Variants in ARHGAP42 observed in about 807,000 individuals in gnomAD.
ARHGAP42 encodes the protein rho GTPase-activating protein 42.
In ARHGAP42, 63 loss-of-function variants were observed where a neutral mutation model predicts 125.0. That is an observed-to-expected ratio of 0.50 (90% CI 0.41 to 0.62). The LOEUF (loss-of-function observed/expected upper bound fraction) is 0.62, where lower values mean the gene tolerates loss of function less well. Among genes scored for constraint, ARHGAP42 ranks in the 20% least tolerant of loss-of-function variants. The pLI, the probability that ARHGAP42 is intolerant of heterozygous loss-of-function variation, is 0.00. For synonymous variants in ARHGAP42, 339 were observed against 351.0 expected, an observed-to-expected ratio of 0.97 and a Z score of 0.38; for missense variants, 766 against 1,024.2, an observed-to-expected ratio of 0.75 and a Z score of 3.44.
chr11:100,747,269 T>A (rs1301547006), intron 1 of ARHGAP42, among the ~76,000 whole-genome samples: 1 of 152,220 alleles, frequency 6.6e-6, no homozygotes, highest in Non-Finnish European at 1.5e-5. Flanking sequence ...GCACCTATCT[T>A]TATTAGTTTT....
chr11:100,841,247 A>G (rs1340581636), intron 3 of ARHGAP42, among the ~76,000 whole-genome samples: 2 of 152,168 alleles, frequency 1.3e-5, no homozygotes, highest in African/African-American at 4.8e-5. Flanking sequence ...AATCATAGAT[A>G]AAAGCTGCAA....
chr11:100,717,199 G>C lies in ARHGAP42; in HGVS notation c.154+29367G>C, dbSNP rs544381604. On this transcript the variant is annotated intron_variant, in intron 1 of 23. Transcript: ENST00000298815. ...CTGCATGAACTGGCCTGAGTATTCT[G>C]TCCTGGCACTCAGGTTCTCTCACGT... Among the ~76,000 whole-genome samples the C allele has an allele frequency of 2.0e-5, 3 of 152,282 alleles. No homozygotes were observed. In the East Asian group the frequency reaches 5.8e-4, roughly 29 times the overall value.
At chr11:100,873,550 A>C (rs564260307) in intron 4 of ARHGAP42, among the ~76,000 whole-genome samples, 1 of 152,316 alleles carries the variant, frequency 6.6e-6, no homozygotes, top group East Asian at 1.9e-4. Context: ...TGAGGCATGA[A>C]ATAGCCAGCT....
At chr11:100,776,854 G>A (rs926022166) in intron 2 of ARHGAP42, among the ~76,000 whole-genome samples, 3 of 151,738 alleles carry the variant, frequency 2.0e-5, no homozygotes, top group South Asian at 2.1e-4. Flanking sequence ...ATGATGGCAC[G>A]TGCCTGTAAT....
At chr11:100,855,005 T>C (rs1313754990) in intron 3 of ARHGAP42, among the ~76,000 whole-genome samples, 1 of 152,188 alleles carries the variant, frequency 6.6e-6, no homozygotes, top group African/African-American at 2.4e-5. Flanking sequence ...TTACCTACCT[T>C]TGTGGTCTTT....
chr11:100,879,826 T>C (rs369635635), intron 4 of ARHGAP42, among the ~76,000 whole-genome samples: 5 of 152,212 alleles, frequency 3.3e-5, no homozygotes, highest in African/African-American at 1.2e-4. Context: ...ATTATGGTTT[T>C]CAGGTGAGAG....
At chr11:100,855,474 T>C (rs1395900625) in intron 3 of ARHGAP42, among the ~76,000 whole-genome samples, 1 of 152,052 alleles carries the variant, frequency 6.6e-6, no homozygotes, top group Non-Finnish European at 1.5e-5. Context: ...GGCAAGATTA[T>C]CAGCAGTGAA....
chr11:100,882,453 A>G (rs973142942), intron 4 of ARHGAP42, among the ~76,000 whole-genome samples: 7 of 150,014 alleles, frequency 4.7e-5, no homozygotes. Context: ...CCACATCATC[A>G]TGGTGGGTTA....
chr11:100,850,941 G>A (rs532614110), intron 3 of ARHGAP42, among the ~76,000 whole-genome samples: 4 of 144,954 alleles, frequency 2.8e-5, no homozygotes, highest in Admixed American at 2.1e-4. Flanking sequence ...GAGTGCAGTG[G>A]CAGGATCTCA....
At chr11:100,880,725 T>G (rs542494211) in intron 4 of ARHGAP42, among the ~76,000 whole-genome samples, 1 of 152,356 alleles carries the variant, frequency 6.6e-6, no homozygotes, top group South Asian at 2.1e-4. Context: ...AGTGTAGAAG[T>G]GATCCCTTTT....
At chr11:100,962,503 A>T in intron 16 of ARHGAP42, 36 bp downstream of exon 16, 2 of 1,475,258 alleles carry the variant, frequency 1.4e-6, no homozygotes, top group Non-Finnish European at 1.8e-6. Context: ...ATTATAATTG[A>T]TGTAGTTTTA....
chr11:100,898,647 C>G (rs1159288934), intron 4 of ARHGAP42, among the ~76,000 whole-genome samples: 2 of 152,064 alleles, frequency 1.3e-5, no homozygotes, highest in Non-Finnish European at 2.9e-5. Flanking sequence ...TTATAGTATT[C>G]TCTGGTGGTA....
At chr11:100,895,309 A>T (rs765133754) in intron 4 of ARHGAP42, among the ~76,000 whole-genome samples, 2 of 152,064 alleles carry the variant, frequency 1.3e-5, no homozygotes, top group Admixed American at 1.3e-4. Flanking sequence ...AGATTTCCCA[A>T]CCTCAGCACT....
chr11:100,989,363 T>A lies in ARHGAP42; in HGVS notation c.*562T>A, dbSNP rs1167636263. ...TTTGTTTTCCAAGTAGATGATAATA[T>A]TCAAAAGCAATAATGTATATGATAT... On this transcript the variant is annotated 3_prime_UTR_variant, in exon 24 of 24. Transcript: ENST00000298815. 2.7e-6 allele frequency: 1 copy of A among 372,552 alleles called. No homozygotes were observed. The highest frequency in any genetic ancestry group is 4.7e-6 in the Non-Finnish European group (1 of 210,544). The allele number at this position is 372,552 out of a possible 1,614,324, so 23.1% of individuals were successfully genotyped here.
chr11:100,961,857 C>T, intron 15 of ARHGAP42, 89 bp downstream of exon 15: 1 of 1,070,774 alleles, frequency 9.3e-7, no homozygotes, highest in East Asian at 2.6e-5. Context: ...AGCCTGTGTC[C>T]AGAAGCTTCA....
chr11:100,812,405 C>G (rs895933226), intron 3 of ARHGAP42, among the ~76,000 whole-genome samples: 2 of 152,176 alleles, frequency 1.3e-5, no homozygotes, highest in Admixed American at 6.5e-5. Context: ...GAGAATACAA[C>G]TCTGGTCAAA....
chr11:100,878,835 A>T (rs1865886522), intron 4 of ARHGAP42, among the ~76,000 whole-genome samples: 1 of 152,078 alleles, frequency 6.6e-6, no homozygotes, highest in African/African-American at 2.4e-5. Context: ...AGATGCCTCC[A>T]TGGACTTGCT....
intron 3 of ARHGAP42, chr11:100,816,717 A>T (rs1864274641): frequency 6.6e-6 from 1 of 152,170 alleles, no homozygotes; most frequent in Non-Finnish European, 1.5e-5. Flanking sequence ...CTTTTCAGGC[A>T]ATGTTTTAAG....
At chr11:100,692,089 C>T (rs1252310506) in intron 1 of ARHGAP42, among the ~76,000 whole-genome samples, 2 of 152,210 alleles carry the variant, frequency 1.3e-5, no homozygotes, top group Non-Finnish European at 2.9e-5. Flanking sequence ...TCCTTCTCCA[C>T]CCTAGCCTGC....
Sources: allele counts gnomAD v4.1 joint callset (sites outside exome capture counted in the v4.1 genomes callset), GRCh38; gene constraint gnomAD v4.1.1; transcripts MANE v1.5; gene names NCBI Gene and HGNC (gene_info 2026-07-23, HGNC 2026-07-21).